Variants in FAM222A observed in about 807,000 individuals in gnomAD.
FAM222A encodes family with sequence similarity 222 member A.
FAM222A carries 7 observed loss-of-function variants against 25.8 expected under a neutral mutation model. The observed-to-expected ratio is 0.27, with a 90% confidence interval of 0.15 to 0.51. FAM222A has a LOEUF of 0.51. FAM222A is among the 20% of genes least tolerant of loss of function. FAM222A has a pLI of 0.97. For synonymous variants in FAM222A, 294 were observed against 298.8 expected, an observed-to-expected ratio of 0.98 and a Z score of 0.17; for missense variants, 573 against 640.5, an observed-to-expected ratio of 0.89 and a Z score of 1.14.
chr12:109,722,998 C>CGGGTGGGGGGGGGAGGGGGT (rs1887775943), intron 1 of FAM222A, among the ~76,000 whole-genome samples: 1 of 25,950 alleles, frequency 3.9e-5, no homozygotes, highest in African/African-American at 2.0e-4. Context: ...TTGGAGGGAG[C>CGGGTGGGGGGGGGAGGGGGT]GGGTGGGGGG....
At position 109,768,134 on chromosome 12, in the gene FAM222A, G is replaced by A; in HGVS notation, c.205G>A (p.Val69Met). Residue 69 changes from valine (V) to methionine (M), a missense_variant, in exon 3 of 3, where the codon GTG (valine) becomes ATG (methionine). Physicochemically the swap from Val to Met is conservative, Grantham distance 21. Coordinates refer to ENST00000538780, the MANE Select transcript of FAM222A (RefSeq NM_032829.3). ...CAAGATCTTCCCCACCAACATCCGT[G>A]TGCCCCAGCACAAGCACCTCAGCCG... ...SIKIFPTNIR[V>M]PQHKHLSRTV... The A allele has an allele frequency of 1.2e-6, 2 of 1,613,980 alleles. No individual in the cohort carries two copies. The highest frequency in any genetic ancestry group is 1.7e-6 in the Non-Finnish European group (2 of 1,180,028).
At chr12:109,742,978 C>G (rs1221863775) in intron 1 of FAM222A, among the ~76,000 whole-genome samples, 1 of 152,210 alleles carries the variant, frequency 6.6e-6, no homozygotes, top group African/African-American at 2.4e-5. Flanking sequence ...CTTTCTTCCC[C>G]TTCAACACCC....
chr12:109,720,790 C>T (rs1051098016), intron 1 of FAM222A, among the ~76,000 whole-genome samples: 1 of 152,238 alleles, frequency 6.6e-6, no homozygotes, highest in African/African-American at 2.4e-5. Context: ...CCCCCTCAGC[C>T]ACCCAACAAG....
rs1428254229 is a variant in FAM222A at position 109,714,058 on chromosome 12, G to C, written c.-886G>C. 1.3e-5 allele frequency among the ~76,000 whole-genome samples: 2 copies of C among 150,594 alleles called. No individual in the cohort carries two copies. Among genetic ancestry groups the C allele is most frequent in the Non-Finnish European group, 3.0e-5 (2 of 67,528 alleles). ...CCATGGGCGCGTGAGAGCCCAGCGC[G>C]CGCGGCCCCTGCTGCGGCTTGCGAG... On this transcript the variant is annotated 5_prime_UTR_variant, in exon 1 of 3. Transcript: ENST00000538780. The surrounding 1 kb of genome is among the most constrained non-coding windows in gnomAD (Gnocchi z 4.2).
chr12:109,744,102 G>A lies in FAM222A; in HGVS notation c.-45G>A. 6.2e-7 allele frequency: 1 copy of A among 1,601,038 alleles called. No individual in the cohort carries two copies. Among genetic ancestry groups the A allele is most frequent in the African/African-American group, 1.3e-5 (1 of 74,804 alleles). ...GAGCACCCCATCTTCCTCCTGCAGGGACCCAGTCGCAGAGCGCACCCCACT... is the reference window on the plus strand; with the variant it reads ...GAGCACCCCATCTTCCTCCTGCAGGAACCCAGTCGCAGAGCGCACCCCACT... On this transcript the variant is annotated splice_region_variant and 5_prime_UTR_variant, in exon 2 of 3. Coordinates refer to ENST00000538780, the MANE Select transcript of FAM222A (RefSeq NM_032829.3).
At chr12:109,749,066 G>A (rs988845674) in intron 2 of FAM222A, among the ~76,000 whole-genome samples, 5 of 151,938 alleles carry the variant, frequency 3.3e-5, no homozygotes, top group East Asian at 1.9e-4. Flanking sequence ...TGAGTCCCAC[G>A]CATCCACACA....
At chr12:109,757,567 A>G (rs547672441) in intron 2 of FAM222A, among the ~76,000 whole-genome samples, 2 of 152,362 alleles carry the variant, frequency 1.3e-5, no homozygotes, top group South Asian at 2.1e-4. Flanking sequence ...GCAAAACCAT[A>G]TCATTCTTCG....
At chr12:109,746,468 A>G (rs10850675) in intron 2 of FAM222A, among the ~76,000 whole-genome samples, 24,317 of 151,966 alleles carry the variant, frequency 0.16, 2,129 homozygotes, top group East Asian at 0.31. Flanking sequence ...CAGCCTGGGC[A>G]ACAGAGTGAG....
rs1004355458 is a variant in FAM222A at position 109,713,838 on chromosome 12, C to A, written c.-1106C>A. Among the ~76,000 whole-genome samples, 12 of 150,594 alleles carry A rather than the reference C, an allele frequency of 8.0e-5. No homozygotes were observed. Among genetic ancestry groups the A allele is most frequent in the African/African-American group, 2.9e-4 (12 of 41,164 alleles). ...CTCGCGCCTGTCAGTCGGGCCAGAG[C>A]GGAGCAGCGGGCAGGACTGCCTGGC... On this transcript the variant is annotated 5_prime_UTR_variant, in exon 1 of 3. Transcript: ENST00000538780.
At chr12:109,753,190 C>T (rs1888609152) in intron 2 of FAM222A, among the ~76,000 whole-genome samples, 1 of 152,158 alleles carries the variant, frequency 6.6e-6, no homozygotes, top group Non-Finnish European at 1.5e-5. Context: ...GACTGGGCCT[C>T]GTCCCTGTCC....
At chr12:109,732,625 G>A (rs1887974561) in intron 1 of FAM222A, among the ~76,000 whole-genome samples, 1 of 152,230 alleles carries the variant, frequency 6.6e-6, no homozygotes, top group Non-Finnish European at 1.5e-5. Flanking sequence ...GTTTTTCTGC[G>A]CTGGGCTGAT....
chr12:109,750,700 G>A (rs1798045601), intron 2 of FAM222A, among the ~76,000 whole-genome samples: 2 of 151,712 alleles, frequency 1.3e-5, no homozygotes, highest in South Asian at 2.1e-4. Context: ...CCTTAAGAAG[G>A]CCTCATGTGA....
chr12:109,719,060 G>C (rs988661059), intron 1 of FAM222A, among the ~76,000 whole-genome samples: 1 of 152,150 alleles, frequency 6.6e-6, no homozygotes, highest in Admixed American at 6.5e-5. Context: ...GGGAAGGGGC[G>C]ACCTGCCCAG....
intron 1 of FAM222A, among the ~76,000 whole-genome samples, chr12:109,742,881 A>G (rs1888283398): frequency 6.6e-6 from 1 of 152,142 alleles, no homozygotes; most frequent in South Asian, 2.1e-4. Flanking sequence ...GTAGTGAAAA[A>G]AGGCTTTTCC....
chr12:109,729,306 T>C (rs1402679937), intron 1 of FAM222A, among the ~76,000 whole-genome samples: 1 of 152,250 alleles, frequency 6.6e-6, no homozygotes, highest in African/African-American at 2.4e-5. Flanking sequence ...AAAAAAGGTG[T>C]GGGCTGATTT....
intron 1 of FAM222A, chr12:109,720,235 C>T: frequency 5.2e-6 from 5 of 969,276 alleles, no homozygotes; most frequent in Non-Finnish European, 4.9e-6. Context: ...GGGACAAAGG[C>T]CTGGGAGGTC....
chr12:109,741,183 A>C (rs1422696649), intron 1 of FAM222A, among the ~76,000 whole-genome samples: 1 of 152,110 alleles, frequency 6.6e-6, no homozygotes, highest in African/African-American at 2.4e-5. Context: ...AGGACACCCC[A>C]CCACCCTGCC....
intron 2 of FAM222A, among the ~76,000 whole-genome samples, chr12:109,766,430 C>T (rs1051067403): frequency 1.3e-5 from 2 of 152,244 alleles, no homozygotes; most frequent in African/African-American, 4.8e-5. Flanking sequence ...CCCATGCAGG[C>T]GGCTCACTAA....
At chr12:109,738,233 G>GC (rs1888139277) in intron 1 of FAM222A, among the ~76,000 whole-genome samples, 1 of 152,180 alleles carries the variant, frequency 6.6e-6, no homozygotes, top group Admixed American at 6.5e-5. Context: ...CAGGTTTGCT[G>GC]CCCCTCATTA....
Sources: gnomAD v4.1 joint callset for allele counts (sites outside exome capture counted in the v4.1 genomes callset) on GRCh38, gnomAD v4.1.1 for gene constraint, Gnocchi (gnomAD v3.1) non-coding constraint, MANE v1.5 for transcripts, NCBI Gene and HGNC (gene_info 2026-07-23, HGNC 2026-07-21) for gene names.